EPS8: variants seen among roughly 807,000 people sequenced by gnomAD.
EPS8 encodes the protein EGFR pathway substrate 8, signaling adaptor, also known as epidermal growth factor receptor kinase substrate 8.
Under a neutral mutation model 103.8 loss-of-function variants are expected in EPS8, and 42 were observed. The observed-to-expected ratio is 0.40, with a 90% CI of 0.32 to 0.52. The LOEUF is 0.52. Among genes scored for constraint, EPS8 ranks in the 20% least tolerant of loss-of-function variants. EPS8 has a pLI of 0.40. For synonymous variants in EPS8, 344 were observed against 344.6 expected (o/e 1.00, Z 0.02); for missense variants, 969 against 1,005.1 (o/e 0.96, Z 0.49).
chr12:15,729,996 G>A (rs1946696152), intron 1 of EPS8, among the ~76,000 whole-genome samples: 1 of 151,968 alleles, frequency 6.6e-6, no homozygotes, highest in African/African-American at 2.4e-5. Flanking sequence ...ACACTTCTAG[G>A]GATCAAGAAC....
At chr12:15,646,733 T>C (rs1341744627) in intron 15 of EPS8, among the ~76,000 whole-genome samples, 2 of 152,186 alleles carry the variant, frequency 1.3e-5, no homozygotes, top group African/African-American at 4.8e-5. Context: ...TAAAGGAAGG[T>C]TTATTTGTTT....
intron 1 of EPS8, among the ~76,000 whole-genome samples, chr12:15,707,406 G>A (rs1045637984): frequency 1.3e-5 from 2 of 152,020 alleles, no homozygotes; most frequent in East Asian, 3.9e-4. Context: ...ATTACTCATC[G>A]ATTCTACCCT....
chr12:15,724,104 T>C (rs116562299), intron 1 of EPS8, among the ~76,000 whole-genome samples: 5,906 of 152,200 alleles, frequency 0.039, 371 homozygotes, highest in African/African-American at 0.13. Flanking sequence ...ATCCTAAGGT[T>C]TATGAACTTT....
chr12:15,705,598 AT>A (rs1272676564), intron 1 of EPS8, among the ~76,000 whole-genome samples: 8 of 152,240 alleles, frequency 5.3e-5, no homozygotes, highest in African/African-American at 1.9e-4. Flanking sequence ...CCCATACAAA[AT>A]ATCAATAATT....
chr12:15,681,329 A>ATAATAG, intron 2 of EPS8, 27 bp from the exon 3 acceptor site: 1 of 979,922 alleles, frequency 1.0e-6, no homozygotes, highest in Non-Finnish European at 1.4e-6. Context: ...AATAATAATA[A>ATAATAG]TAATAATATA....
At position 15,751,438 on chromosome 12, in the gene EPS8, G is replaced by T. The variant is rs1235482140; in HGVS notation, c.-22+37723C>A. Among the ~76,000 whole-genome samples, 3 of 152,056 alleles carry T rather than the reference G, an allele frequency of 2.0e-5. No individual in the cohort carries two copies. Among genetic ancestry groups the T allele is most frequent in the Non-Finnish European group, 4.4e-5 (3 of 68,010 alleles). On this transcript the variant is annotated intron_variant, in intron 1 of 20. Coordinates refer to ENST00000281172, the MANE Select transcript of EPS8 (RefSeq NM_004447.6). The surrounding 1 kb of genome is among the most constrained non-coding windows in gnomAD (Gnocchi z 4.3). ...ATCCCAACATTTATTCATTCATTTT[G>T]CCAAAACTATATGGCACTATAGCAA... is the stretch of plus-strand genomic sequence containing the variant.
intron 3 of EPS8, among the ~76,000 whole-genome samples, chr12:15,672,932 C>A (rs1034017092): frequency 6.6e-6 from 1 of 152,138 alleles, no homozygotes; most frequent in Non-Finnish European, 1.5e-5. Flanking sequence ...CCTGGATGTT[C>A]AAATGCTTTG....
In EPS8 at chr12:15,665,811, C is replaced by T. The variant is rs779322495; in HGVS notation, c.681G>A (p.Val227=). 1.2e-6 allele frequency: 2 copies of T among 1,613,872 alleles called. No homozygotes were observed. The highest frequency in any genetic ancestry group is 1.1e-5 in the South Asian group (1 of 91,030). ...AGGCTGCCACTCGACTTCTAACATC[C>T]ACCTGGGTGACGGTCCCAGGGGGCG... ...APAPPGTVTQ[V]DVRSRVAAWS... Residue 227 remains valine, a synonymous_variant, in exon 8 of 21, where the codon GTG becomes GTA. Coordinates refer to ENST00000281172, the MANE Select transcript of EPS8 (RefSeq NM_004447.6).
rs780506743 is a variant in EPS8 at position 15,631,430 on chromosome 12, T to G, written c.2044+12A>C. On this transcript the variant is annotated intron_variant, in intron 18 of 20. Coordinates refer to ENST00000281172, the MANE Select transcript of EPS8 (RefSeq NM_004447.6). Reference sequence around the variant, plus strand: ...TTGCAGAAGACATTTTTTGCCTCCCTGGGAAACTTACGGTCCACCGGAAGT... The same window carrying G: ...TTGCAGAAGACATTTTTTGCCTCCCGGGGAAACTTACGGTCCACCGGAAGT... 1 of 1,613,728 alleles carries G rather than the reference T, an allele frequency of 6.2e-7. No homozygotes were observed. Among genetic ancestry groups the G allele is most frequent in the Admixed American group, 1.7e-5 (1 of 59,982 alleles).
chr12:15,715,661 G>T (rs564891767), intron 1 of EPS8, among the ~76,000 whole-genome samples: 71 of 151,766 alleles, frequency 4.7e-4, no homozygotes, highest in African/African-American at 1.6e-3. Flanking sequence ...CTAATTTTTT[G>T]TGTTTTTAAT....
At position 15,784,711 on chromosome 12, in the gene EPS8, T is replaced by C. The variant is rs971581894; in HGVS notation, c.-22+4450A>G. The stretch of plus-strand genomic sequence containing the variant: ...TGAATATTCATAGCAGCTTCGTTCA[T>C]ACTTGCCAAAAACTGGAAGCAACCA... On this transcript the variant is annotated intron_variant, in intron 1 of 20. Coordinates refer to ENST00000281172, the MANE Select transcript of EPS8 (RefSeq NM_004447.6). This position sits in a 1 kb window ranked among gnomAD's most constrained non-coding sequence, Gnocchi z 4.0. Among the ~76,000 whole-genome samples, 1 of 152,162 alleles carries C rather than the reference T, an allele frequency of 6.6e-6. No homozygotes were observed. The highest frequency in any genetic ancestry group is 2.4e-5 in the African/African-American group (1 of 41,450).
rs1946749724 is a variant in EPS8, at chr12:15,734,583, A to G, written c.-21-51611T>C. ...GTGGTGGGCGCCTGTGGTCCCAGCTACTCGGGAGGCTGAGGCAGGAGAATG... is the reference window on the plus strand; with the variant it reads ...GTGGTGGGCGCCTGTGGTCCCAGCTGCTCGGGAGGCTGAGGCAGGAGAATG... On this transcript the variant is annotated intron_variant, in intron 1 of 20. Transcript: ENST00000281172. This position sits in a 1 kb window ranked among gnomAD's most constrained non-coding sequence, Gnocchi z 4.1. Among the ~76,000 whole-genome samples, 1 of 151,888 alleles carries G rather than the reference A, an allele frequency of 6.6e-6. No homozygotes were observed. Among genetic ancestry groups the G allele is most frequent in the African/African-American group, 2.4e-5 (1 of 41,336 alleles).
chr12:15,720,234 A>C (rs1946579981), intron 1 of EPS8, among the ~76,000 whole-genome samples: 1 of 152,202 alleles, frequency 6.6e-6, no homozygotes, highest in African/African-American at 2.4e-5. Context: ...TGGTAGATTT[A>C]AAAAATCACA....
intron 1 of EPS8, among the ~76,000 whole-genome samples, chr12:15,719,040 G>A (rs1038637487): frequency 2.5e-4 from 38 of 152,148 alleles, no homozygotes; most frequent in African/African-American, 3.6e-4. Flanking sequence ...GAGGAAGGAA[G>A]GAAGAGAAAG....
At chr12:15,718,918 G>A (rs1480737374) in intron 1 of EPS8, among the ~76,000 whole-genome samples, 1 of 152,064 alleles carries the variant, frequency 6.6e-6, no homozygotes, top group East Asian at 1.9e-4. Context: ...CCTTTCTGGA[G>A]TATTTTTACC....
rs570679336 is a variant in EPS8 at position 15,764,341 on chromosome 12, A to G, written c.-22+24820T>C. 3.9e-5 allele frequency among the ~76,000 whole-genome samples: 6 copies of G among 152,356 alleles called. No individual in the cohort carries two copies. The South Asian group carries it at 1.2e-3, about 32-fold the overall frequency. ...TTCAAGATGAGCTTTGGGTGGGGAC[A>G]CAGTGAAACCATATCAATCAGTCAA... On this transcript the variant is annotated intron_variant, in intron 1 of 20. Coordinates refer to ENST00000281172, the MANE Select transcript of EPS8 (RefSeq NM_004447.6). The surrounding 1 kb of genome is among the most constrained non-coding windows in gnomAD (Gnocchi z 4.1).
chr12:15,624,460 C>T (rs1944912141), intron 18 of EPS8, 53 bp from the exon 19 acceptor site: 4 of 1,369,448 alleles, frequency 2.9e-6, no homozygotes, highest in Admixed American at 4.3e-5. Flanking sequence ...TATTACATCA[C>T]CCTCTCTAGA....
intron 3 of EPS8, among the ~76,000 whole-genome samples, chr12:15,673,332 G>C (rs983279327): frequency 3.3e-5 from 5 of 152,114 alleles, no homozygotes; most frequent in African/African-American, 7.2e-5. Context: ...TAAACTAGTA[G>C]TTCCAGTGAT....
At chr12:15,722,915 C>T (rs765809705) in intron 1 of EPS8, among the ~76,000 whole-genome samples, 9 of 151,636 alleles carry the variant, frequency 5.9e-5, no homozygotes, top group South Asian at 4.2e-4. Context: ...AATTGTGGAG[C>T]GACACATTCA....
Sources: gnomAD v4.1 joint callset for allele counts (sites outside exome capture counted in the v4.1 genomes callset) on GRCh38, gnomAD v4.1.1 for gene constraint, Gnocchi (gnomAD v3.1) non-coding constraint, MANE v1.5 for transcripts, NCBI Gene and HGNC (gene_info 2026-07-23, HGNC 2026-07-21) for gene names.